Variants in RGS7 observed in about 807,000 individuals in gnomAD.
RGS7 encodes the protein regulator of G-protein signaling 7.
Under a neutral mutation model 81.1 loss-of-function variants are expected in RGS7, and 27 were observed. That is an observed-to-expected ratio of 0.33 (90% confidence interval 0.25 to 0.46). The LOEUF is 0.46. Among genes scored for constraint, RGS7 ranks in the 20% least tolerant of loss-of-function variants. The pLI, the probability that RGS7 is intolerant of heterozygous loss-of-function variation, is 1.00. For synonymous variants in RGS7, 208 were observed against 207.7 expected (o/e 1.00, Z -0.01); for missense variants, 396 against 607.4 (o/e 0.65, Z 3.66).
At chr1:241,258,276 T>G (rs2077141687) in intron 2 of RGS7, among the ~76,000 whole-genome samples, 1 of 152,076 alleles carries the variant, frequency 6.6e-6, no homozygotes, top group South Asian at 2.1e-4. Context: ...GACCTAGACT[T>G]AATGTAGATA....
chr1:240,822,217 G>A (rs1243001587), intron 10 of RGS7, among the ~76,000 whole-genome samples: 3 of 152,166 alleles, frequency 2.0e-5, no homozygotes, highest in African/African-American at 7.2e-5. Flanking sequence ...TCTCCAGACT[G>A]CCTTTTTTGT....
chr1:240,780,000 T>C (rs1683689687), intron 18 of RGS7, among the ~76,000 whole-genome samples: 1 of 152,200 alleles, frequency 6.6e-6, no homozygotes, highest in Non-Finnish European at 1.5e-5. Flanking sequence ...TCCTGGGCAA[T>C]AAGCTAATCA....
chr1:241,152,717 T>G (rs1173082849), intron 2 of RGS7, among the ~76,000 whole-genome samples: 1 of 152,214 alleles, frequency 6.6e-6, no homozygotes, highest in African/African-American at 2.4e-5. Context: ...ACCTGCCGCT[T>G]CTGCCGAGCA....
intron 1 of RGS7, among the ~76,000 whole-genome samples, chr1:241,356,496 A>G (rs1316075757): frequency 6.6e-6 from 1 of 152,184 alleles, no homozygotes; most frequent in Non-Finnish European, 1.5e-5. Flanking sequence ...AGACACCAGA[A>G]TATGTCCCGG....
chr1:240,806,605 ACT>A (rs1688894073), intron 14 of RGS7, among the ~76,000 whole-genome samples: 2 of 151,046 alleles, frequency 1.3e-5, no homozygotes, highest in Non-Finnish European at 1.5e-5. Flanking sequence ...AACATGAAAA[ACT>A]CTCTCTTCTA....
chr1:240,808,326 G>C (rs576928155), intron 14 of RGS7, among the ~76,000 whole-genome samples: 3 of 152,138 alleles, frequency 2.0e-5, no homozygotes, highest in Non-Finnish European at 4.4e-5. Flanking sequence ...GGGGGATCTA[G>C]ACAAAGCTAT....
chr1:240,956,879 A>G (rs1472426438), intron 4 of RGS7, among the ~76,000 whole-genome samples: 1 of 152,088 alleles, frequency 6.6e-6, no homozygotes, highest in Non-Finnish European at 1.5e-5. Flanking sequence ...AACAAATCCT[A>G]ATTCAGGGGC....
intron 3 of RGS7, among the ~76,000 whole-genome samples, chr1:241,058,305 GCT>G (rs2061575349): frequency 6.6e-6 from 1 of 152,212 alleles, no homozygotes; most frequent in Admixed American, 6.5e-5. Flanking sequence ...CCTCCCAAGT[GCT>G]AGCAGGCCAT....
At chr1:241,256,900 A>C (rs906593998) in intron 2 of RGS7, among the ~76,000 whole-genome samples, 3 of 150,508 alleles carry the variant, frequency 2.0e-5, no homozygotes, top group African/African-American at 7.3e-5. Context: ...CCAAGACCCC[A>C]GTTATTCTTA....
At position 240,932,512 on chromosome 1, in the gene RGS7, A is replaced by ATTTTTTT. The variant is rs1388590625; in HGVS notation, c.334-1745_334-1744insAAAAAAA. On this transcript the variant is annotated intron_variant, in intron 5 of 18. Coordinates refer to ENST00000440928, the MANE Select transcript of RGS7 (RefSeq NM_001364886.1). ...AAACTTTGCTTTCATGTAGGGTGTC[A>ATTTTTTT]CTTTTTTTTTTTTTGAGACAGGGTC... is the stretch of plus-strand genomic sequence containing the variant. Among the ~76,000 whole-genome samples, 30 of 16,086 alleles carry ATTTTTTT rather than the reference A, an allele frequency of 1.9e-3. 3 individuals carry two copies. Among genetic ancestry groups the ATTTTTTT allele is most frequent in the South Asian group, 4.8e-3 (2 of 414 alleles). The allele number at this position is 16,086 out of a possible 152,430, so 10.6% of individuals were successfully genotyped here. A position where few individuals can be genotyped will look rare whatever the true frequency, so the allele number is the denominator to read the frequency against.
At chr1:241,135,084 C>G (rs114276241) in intron 2 of RGS7, among the ~76,000 whole-genome samples, 2,792 of 152,258 alleles carry the variant, frequency 0.018, 108 homozygotes, top group African/African-American at 0.064. Flanking sequence ...TCATTTGGGG[C>G]TGACGCCATT....
chr1:241,039,001 A>G (rs1342824018), intron 3 of RGS7, among the ~76,000 whole-genome samples: 3 of 152,068 alleles, frequency 2.0e-5, no homozygotes, highest in African/African-American at 7.2e-5. Flanking sequence ...AAAGGAAAAG[A>G]AAAAAGAATG....
rs190643715 is a variant in RGS7 at position 240,895,044 on chromosome 1, T to C, written c.386-24925A>G. ...GTCATGGCTTGGGGCTGTCCCATGA[T>C]AGTGAGTTCTCGTGAGATCTGGTCA... is the stretch of plus-strand genomic sequence containing the variant. On this transcript the variant is annotated intron_variant, in intron 6 of 18. Coordinates refer to ENST00000440928, the MANE Select transcript of RGS7 (RefSeq NM_001364886.1). 1.9e-3 allele frequency among the ~76,000 whole-genome samples: 288 copies of C among 152,248 alleles called. 1 individual carries two copies. The highest frequency in any genetic ancestry group is 7.3e-3 in the Admixed American group (112 of 15,292).
chr1:241,136,804 A>G (rs1469519141), intron 2 of RGS7, among the ~76,000 whole-genome samples: 1 of 152,198 alleles, frequency 6.6e-6, no homozygotes, highest in Non-Finnish European at 1.5e-5. Flanking sequence ...ATTCTTGCTT[A>G]GTGTTCACAA....
intron 6 of RGS7, among the ~76,000 whole-genome samples, chr1:240,875,588 A>G (rs1046351017): frequency 6.6e-6 from 1 of 152,126 alleles, no homozygotes; most frequent in Non-Finnish European, 1.5e-5. Flanking sequence ...TTCTAGGTTC[A>G]TTATTTGAGG....
At chr1:241,229,340 C>T (rs1286265512) in intron 2 of RGS7, among the ~76,000 whole-genome samples, 1 of 152,222 alleles carries the variant, frequency 6.6e-6, no homozygotes, top group Non-Finnish European at 1.5e-5. Flanking sequence ...CGATGGGAAA[C>T]TTCCCACGGT....
At chr1:241,191,199 C>T (rs1386527178) in intron 2 of RGS7, among the ~76,000 whole-genome samples, 1 of 152,126 alleles carries the variant, frequency 6.6e-6, no homozygotes. Context: ...CCAGGATGGT[C>T]TCGATCTCTT....
chr1:241,259,531 T>C (rs2148269867), intron 2 of RGS7, among the ~76,000 whole-genome samples: 1 of 150,862 alleles, frequency 6.6e-6, no homozygotes, highest in African/African-American at 2.4e-5. Flanking sequence ...ATGCCTGTAA[T>C]CTCAGCTACT....
chr1:240,834,800 C>T (rs560088119), intron 9 of RGS7, among the ~76,000 whole-genome samples: 91 of 152,176 alleles, frequency 6.0e-4, no homozygotes, highest in African/African-American at 1.9e-3. Context: ...CTTGAGCCAC[C>T]GCGCCCAGCC....
Sources: gnomAD v4.1 joint callset for allele counts (sites outside exome capture counted in the v4.1 genomes callset) on GRCh38, gnomAD v4.1.1 for gene constraint, MANE v1.5 for transcripts, NCBI Gene and HGNC (gene_info 2026-07-23, HGNC 2026-07-21) for gene names.